USP48: variants seen among roughly 807,000 people sequenced by gnomAD.
USP48 encodes the protein ubiquitin specific peptidase 48, also known as ubiquitin carboxyl-terminal hydrolase 48.
USP48 carries 43 observed loss-of-function variants against 150.7 expected under a neutral mutation model. That is an observed-to-expected ratio of 0.29 (90% CI 0.22 to 0.37). USP48 has a LOEUF of 0.37. Ranked by LOEUF, USP48 falls within the 10% of genes least tolerant of loss-of-function variation. USP48 has a pLI of 1.00. For synonymous variants in USP48, 396 were observed against 425.9 expected, an observed-to-expected ratio of 0.93 and a Z score of 0.86; for missense variants, 813 against 1,249.6, an observed-to-expected ratio of 0.65 and a Z score of 5.27.
At chr1:21,725,937 C>T (rs1479476286) in intron 11 of USP48, among the ~76,000 whole-genome samples, 1 of 152,110 alleles carries the variant, frequency 6.6e-6, no homozygotes, top group Non-Finnish European at 1.5e-5. Context: ...TAAATGATCC[C>T]TTTCTGAAAG....
chr1:21,726,605 A>G (rs2097737783), intron 11 of USP48: 1 of 152,202 alleles, frequency 6.6e-6, no homozygotes, highest in Non-Finnish European at 1.5e-5. Context: ...CTATCATCAT[A>G]AAGAGTTGCA....
intron 22 of USP48, among the ~76,000 whole-genome samples, chr1:21,701,238 C>G (rs542376820): frequency 1.9e-4 from 28 of 148,624 alleles, no homozygotes; most frequent in African/African-American, 6.2e-4. Flanking sequence ...TGGTGGTGGG[C>G]GCCTATAATC....
chr1:21,707,532 T>C (rs1353812825), intron 15 of USP48, among the ~76,000 whole-genome samples: 1 of 152,120 alleles, frequency 6.6e-6, no homozygotes, highest in Non-Finnish European at 1.5e-5. Context: ...TCCCAGAAGA[T>C]ATAAAAAAAT....
rs2097912946 is a variant in USP48 at position 21,780,962 on chromosome 1, G to A, written c.134+1862C>T. 2.0e-5 allele frequency among the ~76,000 whole-genome samples: 3 copies of A among 150,656 alleles called. No homozygotes were observed. The South Asian group carries it at 6.3e-4, about 32-fold the overall frequency. On this transcript the variant is annotated intron_variant, in intron 1 of 26. Transcript: ENST00000308271. ...TCACCATGCTGGCCAGGCTGGTCTC[G>A]AACTCCTGACCTCGTGATCCGCCCA... is the stretch of plus-strand genomic sequence containing the variant.
At chr1:21,755,578 A>C (rs184322672) in intron 3 of USP48, among the ~76,000 whole-genome samples, 3 of 151,902 alleles carry the variant, frequency 2.0e-5, no homozygotes, top group South Asian at 2.1e-4. Context: ...ATAAAAAAAA[A>C]CCTTTTCTGT....
chr1:21,780,258 G>C (rs1471557896), intron 1 of USP48, among the ~76,000 whole-genome samples: 1 of 152,214 alleles, frequency 6.6e-6, no homozygotes, highest in Non-Finnish European at 1.5e-5. Context: ...ATGCGCAGCA[G>C]GGATAACCCT....
intron 3 of USP48, among the ~76,000 whole-genome samples, chr1:21,754,828 G>A (rs555570218): frequency 6.6e-6 from 1 of 152,266 alleles, no homozygotes; most frequent in Non-Finnish European, 1.5e-5. Flanking sequence ...GGGGGTTCCA[G>A]GGCCCAGCAC....
intron 25 of USP48, among the ~76,000 whole-genome samples, chr1:21,682,081 T>C (rs765462783): frequency 3.3e-5 from 5 of 152,208 alleles, no homozygotes; most frequent in Non-Finnish European, 5.9e-5. Context: ...TGATTCTTTC[T>C]TGATTTAATG....
intron 11 of USP48, chr1:21,728,260 G>A (rs1304874694): frequency 4.7e-6 from 5 of 1,066,684 alleles, no homozygotes; most frequent in Non-Finnish European, 3.4e-6. Flanking sequence ...TAATCCAATC[G>A]GATTTTTCTT....
chr1:21,738,142 C>T (rs1411006356), intron 8 of USP48, among the ~76,000 whole-genome samples: 1 of 152,028 alleles, frequency 6.6e-6, no homozygotes, highest in Non-Finnish European at 1.5e-5. Flanking sequence ...ACTGCAACCT[C>T]TGCTTCCTGG....
intron 1 of USP48, among the ~76,000 whole-genome samples, chr1:21,760,294 A>G (rs2097846833): frequency 6.6e-6 from 1 of 152,250 alleles, no homozygotes; most frequent in South Asian, 2.1e-4. Flanking sequence ...TTACAGGACA[A>G]AGTTCTGCAG....
intron 25 of USP48, 195 bp from the exon 26 acceptor site, chr1:21,681,029 G>A (rs570887328): frequency 2.2e-4 from 107 of 497,588 alleles, no homozygotes; most frequent in South Asian, 1.1e-3. Flanking sequence ...AAAGCAATAC[G>A]TATGCATCAT....
At chr1:21,760,827 G>A (rs1487290870) in intron 1 of USP48, among the ~76,000 whole-genome samples, 1 of 152,216 alleles carries the variant, frequency 6.6e-6, no homozygotes, top group Non-Finnish European at 1.5e-5. Flanking sequence ...AGGCACAGTG[G>A]CTCACGCCTG....
chr1:21,752,835 T>A (rs1187041550), intron 4 of USP48, among the ~76,000 whole-genome samples, 157 bp downstream of exon 4: 1 of 152,208 alleles, frequency 6.6e-6, no homozygotes, highest in Non-Finnish European at 1.5e-5. Flanking sequence ...GAATCAAGTA[T>A]AATGTGTAAA....
intron 23 of USP48, among the ~76,000 whole-genome samples, chr1:21,690,460 T>C (rs997987945): frequency 6.6e-6 from 1 of 152,202 alleles, no homozygotes; most frequent in African/African-American, 2.4e-5. Context: ...TCACCTCATC[T>C]TTCCCAGGCC....
intron 22 of USP48, among the ~76,000 whole-genome samples, chr1:21,699,714 CTA>C (rs2097649569): frequency 6.6e-6 from 1 of 151,812 alleles, no homozygotes; most frequent in Admixed American, 6.6e-5. Context: ...ACGGGTTTCA[CTA>C]TGTTGGCCAG....
chr1:21,690,522 C>CT (rs138412134), intron 23 of USP48, among the ~76,000 whole-genome samples: 15 of 148,504 alleles, frequency 1.0e-4, no homozygotes, highest in Middle Eastern at 3.5e-3. Context: ...TTTTCTTTTT[C>CT]TTTTTTTTTT....
chr1:21,765,901 C>CAAAAAAAA (rs199539331), intron 1 of USP48, among the ~76,000 whole-genome samples: 6 of 112,154 alleles, frequency 5.3e-5, no homozygotes, highest in East Asian at 2.4e-4. Context: ...ACTCCATCTC[C>CAAAAAAAA]AAAAAAAAAA....
intron 8 of USP48, among the ~76,000 whole-genome samples, chr1:21,744,425 C>T (rs1037165646): frequency 1.3e-5 from 2 of 148,542 alleles, no homozygotes; most frequent in Non-Finnish European, 3.0e-5. Flanking sequence ...CCAGCCTGGG[C>T]GACGCAAAAT....
Sources: gnomAD v4.1 joint callset for allele counts (sites outside exome capture counted in the v4.1 genomes callset) on GRCh38, gnomAD v4.1.1 for gene constraint, MANE v1.5 for transcripts, NCBI Gene and HGNC (gene_info 2026-07-23, HGNC 2026-07-21) for gene names.